The following NUSAP1 variants were observed in gnomAD, a reference collection of about 807,000 sequenced individuals.
The protein encoded by NUSAP1 is nucleolar and spindle associated protein 1.
Under a neutral mutation model 52.8 loss-of-function variants are expected in NUSAP1, and 32 were observed. The observed-to-expected ratio is 0.61, with a 90% confidence interval of 0.46 to 0.81. The LOEUF is 0.81. Among genes scored for constraint, NUSAP1 ranks in the 40% least tolerant of loss-of-function variants. NUSAP1 has a pLI of 0.00. For missense variants in NUSAP1, 499 were observed against 522.3 expected (o/e 0.96, Z 0.43); for synonymous variants, 195 against 183.1 (o/e 1.06, Z -0.52).
intron 7 of NUSAP1, 22 bp from the exon 8 acceptor site, chr15:41,371,505 T>C (rs1483941843): frequency 1.3e-6 from 2 of 1,572,580 alleles, no homozygotes; most frequent in Admixed American, 2.1e-5. Flanking sequence ...ACTCATGTCT[T>C]GTACTCTGCT....
At chr15:41,338,965 CA>C (rs56669444) in intron 1 of NUSAP1, among the ~76,000 whole-genome samples, 34 of 141,010 alleles carry the variant, frequency 2.4e-4, no homozygotes, top group Admixed American at 3.6e-4. Context: ...ACTCTGTCTC[CA>C]AAAAAAAAAA....
chr15:41,350,936 C>A, intron 3 of NUSAP1, 52 bp from the exon 4 acceptor site: 1 of 1,479,340 alleles, frequency 6.8e-7, no homozygotes, highest in Non-Finnish European at 9.2e-7. Context: ...CTTTGGAAGG[C>A]AGCAATTCTT....
chr15:41,372,010 C>T (rs922929694), intron 8 of NUSAP1, among the ~76,000 whole-genome samples: 11 of 152,072 alleles, frequency 7.2e-5, no homozygotes, highest in South Asian at 2.1e-4. Context: ...TCAGGTGATC[C>T]GCCCGCCTCG....
chr15:41,339,611 T>C (rs2048304239), intron 1 of NUSAP1, among the ~76,000 whole-genome samples: 1 of 151,996 alleles, frequency 6.6e-6, no homozygotes, highest in Admixed American at 6.6e-5. Context: ...GGTTTCTCCA[T>C]ATTGTTCAGG....
chr15:41,359,206 G>A (rs1025238634), intron 6 of NUSAP1, among the ~76,000 whole-genome samples: 33 of 152,184 alleles, frequency 2.2e-4, no homozygotes, highest in African/African-American at 8.0e-4. Context: ...CTAGGCTCAA[G>A]TGATCCTCCC....
intron 2 of NUSAP1, among the ~76,000 whole-genome samples, chr15:41,343,824 C>T (rs2048455021): frequency 6.6e-6 from 1 of 151,882 alleles, no homozygotes; most frequent in Non-Finnish European, 1.5e-5. Flanking sequence ...CTTTAATTAA[C>T]TGAAAATAGA....
chr15:41,337,579 T>C (rs1327329071), intron 1 of NUSAP1, among the ~76,000 whole-genome samples: 2 of 152,238 alleles, frequency 1.3e-5, no homozygotes, highest in African/African-American at 4.8e-5. Context: ...TGATCCCATG[T>C]CCTCATTCCA....
intron 6 of NUSAP1, among the ~76,000 whole-genome samples, chr15:41,365,166 GT>G (rs2049340488): frequency 6.6e-6 from 1 of 152,028 alleles, no homozygotes; most frequent in South Asian, 2.1e-4. Flanking sequence ...CTTTTTGTTT[GT>G]TTTTTGTTTT....
At chr15:41,334,174 A>G (rs1339130383) in intron 1 of NUSAP1, among the ~76,000 whole-genome samples, 8 of 152,216 alleles carry the variant, frequency 5.3e-5, no homozygotes, top group Non-Finnish European at 1.0e-4. Context: ...GCTGGAGTGC[A>G]GTGGCGCCAT....
At chr15:41,353,383 C>T (rs917568346) in intron 4 of NUSAP1, among the ~76,000 whole-genome samples, 1 of 152,246 alleles carries the variant, frequency 6.6e-6, no homozygotes, top group East Asian at 1.9e-4. Flanking sequence ...CTCAGGTGAT[C>T]GGCCCACTTC....
In NUSAP1 at chr15:41,377,111, AG is replaced by A. The variant is rs573139882; in HGVS notation, c.1124-83del. ...AAAAAAAAGTATAAATGTTGATAGC[AG>A]GTAACCCCACAGATGAAGAGAATGA... On this transcript the variant is annotated intron_variant, in intron 9 of 10. Transcript: ENST00000559596. 4.2e-4 allele frequency: 291 copies of A among 698,620 alleles called. 2 individuals carry two copies. In the East Asian group the frequency reaches 8.4e-3, roughly 20 times the overall value. The allele number at this position is 698,620 out of a possible 1,614,324, so 43.3% of individuals were successfully genotyped here.
Position 41,380,204 on chromosome 15 carries a change from G to A in NUSAP1, c.*18G>A. The A allele has an allele frequency of 6.6e-7, 1 of 1,510,420 alleles. No individual in the cohort carries two copies. The allele number at this position is 1,510,420 out of a possible 1,614,324, so 93.6% of individuals were successfully genotyped here. On this transcript the variant is annotated 3_prime_UTR_variant, in exon 11 of 11. Transcript: ENST00000559596. ...AAGATTAATAATTTTTTAACATCTT[G>A]TAAATATTCCTGTATTCTCAACTTT...
At chr15:41,373,316 G>T (rs2049783681) in intron 8 of NUSAP1, among the ~76,000 whole-genome samples, 1 of 151,826 alleles carries the variant, frequency 6.6e-6, no homozygotes, top group Non-Finnish European at 1.5e-5. Context: ...CCAGGAGGCA[G>T]AGGTTGCACT....
intron 7 of NUSAP1, among the ~76,000 whole-genome samples, chr15:41,368,002 CATTTGAGTCCAGAA>C (rs2049491601): frequency 6.6e-6 from 1 of 152,134 alleles, no homozygotes; most frequent in South Asian, 2.1e-4. Context: ...GCAGGAGGAT[CATTTGAGTCCAGAA>C]GTTTGAGGCC....
At chr15:41,359,399 G>A in intron 6 of NUSAP1, among the ~76,000 whole-genome samples, 1 of 152,126 alleles carries the variant, frequency 6.6e-6, no homozygotes, top group East Asian at 1.9e-4. Context: ...AAATAGTATA[G>A]TCAATTTAAA....
intron 1 of NUSAP1, among the ~76,000 whole-genome samples, chr15:41,341,255 G>A (rs528256095): frequency 2.0e-5 from 3 of 151,988 alleles, no homozygotes; most frequent in Middle Eastern, 3.4e-3. Flanking sequence ...TATTAGAGAC[G>A]GGGTTTCACC....
At chr15:41,368,230 A>T in intron 7 of NUSAP1, among the ~76,000 whole-genome samples, 1 of 151,846 alleles carries the variant, frequency 6.6e-6, no homozygotes, top group Non-Finnish European at 1.5e-5. Flanking sequence ...GTTGCCCAAG[A>T]TGGTCTTGAA....
Position 41,369,594 on chromosome 15 carries a change from G to A in NUSAP1, c.849-1933G>A, listed in dbSNP as rs895935240. Reference sequence around the variant, plus strand: ...ACCCAGGAGGTGGAGGTTTCAGTGAGCCAAGATCATACCATTGCACTCCAG... The same window carrying A: ...ACCCAGGAGGTGGAGGTTTCAGTGAACCAAGATCATACCATTGCACTCCAG... On this transcript the variant is annotated intron_variant, in intron 7 of 10. Transcript: ENST00000559596. Among the ~76,000 whole-genome samples the A allele has an allele frequency of 4.6e-5, 7 of 151,690 alleles. No homozygotes were observed. The East Asian group carries it at 5.9e-4, about 13-fold the overall frequency.
At chr15:41,350,326 G>T (rs751518002) in intron 3 of NUSAP1, among the ~76,000 whole-genome samples, 1 of 152,176 alleles carries the variant, frequency 6.6e-6, no homozygotes, top group Non-Finnish European at 1.5e-5. Flanking sequence ...GACTTAGCCA[G>T]TGGCCTTGTA....
Sources: allele counts gnomAD v4.1 joint callset (sites outside exome capture counted in the v4.1 genomes callset), GRCh38; gene constraint gnomAD v4.1.1; transcripts MANE v1.5; gene names NCBI Gene and HGNC (gene_info 2026-07-23, HGNC 2026-07-21).